Variants in SP1 observed in about 807,000 individuals in gnomAD.
SP1 encodes transcription factor Sp1.
In SP1, 6 loss-of-function variants were observed where a neutral mutation model predicts 66.3. The observed-to-expected ratio is 0.09, with a 90% CI of 0.05 to 0.18. The LOEUF (loss-of-function observed/expected upper bound fraction) is 0.18, where lower values mean the gene tolerates loss of function less well. SP1 is among the 10% of genes least tolerant of loss of function. The pLI is 1.00. For synonymous variants in SP1, 417 were observed against 360.8 expected (o/e 1.16, Z -1.77); for missense variants, 848 against 964.5 (o/e 0.88, Z 1.60).
chr12:53,386,865 T>C (rs917010513), intron 3 of SP1, among the ~76,000 whole-genome samples: 1 of 151,962 alleles, frequency 6.6e-6, no homozygotes, highest in Non-Finnish European at 1.5e-5. Flanking sequence ...CATACATCTT[T>C]ATATGCTGGC....
At chr12:53,381,625 CA>C (rs1339780372) in intron 1 of SP1, 33 bp from the exon 2 acceptor site, 1 of 1,566,648 alleles carries the variant, frequency 6.4e-7, no homozygotes, top group African/African-American at 1.4e-5. Flanking sequence ...TTTCTTCCCT[CA>C]AGTTTACGTT....
At chr12:53,396,289 G>A (rs2446067) in intron 3 of SP1, among the ~76,000 whole-genome samples, 11,877 of 132,346 alleles carry the variant, frequency 0.09, 1,551 homozygotes, top group African/African-American at 0.3. Context: ...AAAAAAAAAA[G>A]CCAGGGGCGG....
intron 3 of SP1, among the ~76,000 whole-genome samples, chr12:53,396,980 A>AT (rs1260769148): frequency 5.9e-5 from 9 of 151,282 alleles, no homozygotes; most frequent in Non-Finnish European, 1.0e-4. Flanking sequence ...AAAAAAAATC[A>AT]TTTTTTTTCC....
chr12:53,393,543 A>G lies in SP1; in HGVS notation c.1675+9921A>G, dbSNP rs1182227394. 4.0e-5 allele frequency among the ~76,000 whole-genome samples: 6 copies of G among 150,022 alleles called. No homozygotes were observed. In the East Asian group the frequency reaches 5.9e-4, roughly 15 times the overall value. ...GGTGATCTGCTCACCTCAGCCTCCC[A>G]AAGTGTTGGGATTACAGGTGTGAGC... On this transcript the variant is annotated intron_variant, in intron 3 of 5. Coordinates refer to ENST00000327443, the MANE Select transcript of SP1 (RefSeq NM_138473.3).
intron 3 of SP1, among the ~76,000 whole-genome samples, chr12:53,392,853 C>T (rs1275148216): frequency 6.7e-6 from 1 of 149,886 alleles, no homozygotes; most frequent in Non-Finnish European, 1.5e-5. Flanking sequence ...GAGATAAGGT[C>T]TCTCTCTGTC....
rs1938119118 is a variant in SP1 at position 53,382,286 on chromosome 12, C to T, written c.339C>T (p.Ser113=). The part of the protein sequence containing the change: ...GANGWQIISS[S]SGATPTSKEQ... The stretch of plus-strand genomic sequence containing the variant: ...ATGGCTGGCAGATCATCTCTTCCTC[C>T]TCTGGGGCTACCCCTACCTCAAAGG... Residue 113 remains serine (S), a synonymous_variant, in exon 3 of 6, where the codon TCC becomes TCT. Transcript: ENST00000327443. The T allele has an allele frequency of 6.2e-7, 1 of 1,614,190 alleles. No individual in the cohort carries two copies. Among genetic ancestry groups the T allele is most frequent in the Non-Finnish European group, 8.5e-7 (1 of 1,180,030 alleles).
chr12:53,405,907 G>A (rs777516901), intron 3 of SP1, among the ~76,000 whole-genome samples: 23 of 151,552 alleles, frequency 1.5e-4, no homozygotes, highest in Admixed American at 2.0e-4. Flanking sequence ...GCTAAATGAC[G>A]AGTTAATGGG....
At chr12:53,381,358 A>C in intron 1 of SP1, 1 of 214,672 alleles carries the variant, frequency 4.7e-6, no homozygotes, top group Non-Finnish European at 9.2e-6. Context: ...ACTTTTTCTT[A>C]TTTAGAAACT....
At chr12:53,395,240 T>G (rs963179685) in intron 3 of SP1, among the ~76,000 whole-genome samples, 1 of 152,052 alleles carries the variant, frequency 6.6e-6, no homozygotes, top group Admixed American at 6.6e-5. Flanking sequence ...CTCCCAAGGC[T>G]GAGACAGGAG....
At chr12:53,398,532 C>T (rs1204020008) in intron 3 of SP1, among the ~76,000 whole-genome samples, 1 of 152,202 alleles carries the variant, frequency 6.6e-6, no homozygotes, top group East Asian at 1.9e-4. Flanking sequence ...ATTCACCCTC[C>T]TTGGCCTCCC....
chr12:53,416,091 A>G lies in SP1; in HGVS notation c.*4851A>G, dbSNP rs1385075752. ...GTTTATTTCTCTCTTAACACTGGCA[A>G]TAACCAGTCCACACCACTGTTGCCT... On this transcript the variant is annotated 3_prime_UTR_variant, in exon 6 of 6. Coordinates refer to ENST00000327443, the MANE Select transcript of SP1 (RefSeq NM_138473.3). 6.6e-6 allele frequency: 1 copy of G among 152,662 alleles called. No homozygotes were observed. Among genetic ancestry groups the G allele is most frequent in the African/African-American group, 2.4e-5 (1 of 41,438 alleles). The allele number at this position is 152,662 out of a possible 1,614,324, so 9.5% of individuals were successfully genotyped here. A position where few individuals can be genotyped will look rare whatever the true frequency, so the allele number is the denominator to read the frequency against.
At chr12:53,392,444 C>T (rs1404542220) in intron 3 of SP1, among the ~76,000 whole-genome samples, 6 of 148,228 alleles carry the variant, frequency 4.0e-5, no homozygotes, top group African/African-American at 1.5e-4. Flanking sequence ...GCAAGCTCCG[C>T]CTCCCGGGTT....
intron 4 of SP1, among the ~76,000 whole-genome samples, chr12:53,407,738 G>A (rs1420623079): frequency 6.6e-6 from 1 of 151,560 alleles, no homozygotes; most frequent in South Asian, 2.1e-4. Context: ...CTGGGTTCAC[G>A]CCATTCTCCT....
Position 53,411,316 on chromosome 12 carries a change from G to A in SP1, c.*76G>A. ...GATGCAAGGTAGCATGGGTCCAAGA[G>A]ACATGGAAGAGAGAGCCATGAAGCA... On this transcript the variant is annotated 3_prime_UTR_variant, in exon 6 of 6. Coordinates refer to ENST00000327443, the MANE Select transcript of SP1 (RefSeq NM_138473.3). 8.4e-7 allele frequency: 1 copy of A among 1,192,712 alleles called. No individual in the cohort carries two copies. Among genetic ancestry groups the A allele is most frequent in the Middle Eastern group, 3.0e-4 (1 of 3,380 alleles). The allele number at this position is 1,192,712 out of a possible 1,614,324, so 73.9% of individuals were successfully genotyped here.
Position 53,414,203 on chromosome 12 carries a change from T to A in SP1, c.*2963T>A, listed in dbSNP as rs1017329854. 2.0e-5 allele frequency: 3 copies of A among 152,406 alleles called. No homozygotes were observed. Among genetic ancestry groups the A allele is most frequent in the African/African-American group, 4.8e-5 (2 of 41,462 alleles). The allele number at this position is 152,406 out of a possible 1,614,324, so 9.4% of individuals were successfully genotyped here. Reference sequence around the variant, plus strand: ...TTTTCATTTTTTTGAATGAGTTTTTTAAATTTTTTAGATGACCAAAACTTG... The same window carrying A: ...TTTTCATTTTTTTGAATGAGTTTTTAAAATTTTTTAGATGACCAAAACTTG... On this transcript the variant is annotated 3_prime_UTR_variant, in exon 6 of 6. Transcript: ENST00000327443.
At chr12:53,401,306 C>T (rs1170550737) in intron 3 of SP1, among the ~76,000 whole-genome samples, 1 of 151,490 alleles carries the variant, frequency 6.6e-6, no homozygotes, top group Non-Finnish European at 1.5e-5. Context: ...CAAAAATTAG[C>T]CGGGCATGGT....
At chr12:53,384,769 G>A (rs1211002791) in intron 3 of SP1, among the ~76,000 whole-genome samples, 1 of 151,704 alleles carries the variant, frequency 6.6e-6, no homozygotes, top group Non-Finnish European at 1.5e-5. Context: ...TGGATGGGTT[G>A]AGTTCAGGAG....
chr12:53,411,803 C>G lies in SP1; in HGVS notation c.*563C>G, dbSNP rs922834317. The G allele has an allele frequency of 6.6e-6, 1 of 152,286 alleles. No homozygotes were observed. Among genetic ancestry groups the G allele is most frequent in the Admixed American group, 6.6e-5 (1 of 15,214 alleles). The allele number at this position is 152,286 out of a possible 1,614,324, so 9.4% of individuals were successfully genotyped here. On this transcript the variant is annotated 3_prime_UTR_variant, in exon 6 of 6. Coordinates refer to ENST00000327443, the MANE Select transcript of SP1 (RefSeq NM_138473.3). ...ATGGCTGAGCCTTGTTGTGACACAT[C>G]AAGCTTTTCTGTAGATGTTGTCTTG... is the stretch of plus-strand genomic sequence containing the variant.
At chr12:53,392,792 G>T (rs943385465) in intron 3 of SP1, among the ~76,000 whole-genome samples, 1 of 151,864 alleles carries the variant, frequency 6.6e-6, no homozygotes, top group Non-Finnish European at 1.5e-5. Context: ...ACCATGCCTG[G>T]CCTAGAAGGA....
Sources: gnomAD v4.1 joint callset for allele counts (sites outside exome capture counted in the v4.1 genomes callset) on GRCh38, gnomAD v4.1.1 for gene constraint, MANE v1.5 for transcripts, NCBI Gene and HGNC (gene_info 2026-07-23, HGNC 2026-07-21) for gene names.